Variants in CHD9 observed in about 807,000 individuals in gnomAD.
CHD9 encodes chromodomain helicase DNA binding protein 9.
Under a neutral mutation model 316.1 loss-of-function variants are expected in CHD9, and 77 were observed. The observed-to-expected ratio is 0.24, with a 90% CI of 0.20 to 0.29. The LOEUF (loss-of-function observed/expected upper bound fraction) is 0.29, where lower values mean the gene tolerates loss of function less well. Among genes scored for constraint, CHD9 ranks in the 10% least tolerant of loss-of-function variants. The pLI is 1.00. For missense variants in CHD9, 2,763 were observed against 3,438.1 expected, an observed-to-expected ratio of 0.80 and a Z score of 4.91; for synonymous variants, 1,129 against 1,158.3, an observed-to-expected ratio of 0.97 and a Z score of 0.51.
In CHD9 at chr16:53,157,214, T is replaced by A; in HGVS notation, c.1125T>A (p.Asn375Lys). ...VDSGTQMGHF[N>K]DHVETNGFSS... The stretch of plus-strand genomic sequence containing the variant: ...CAGGAACTCAAATGGGCCATTTCAA[T>A]GATCATGTAGAAACTAATGGCTTTT... Residue 375 changes from asparagine (N) to lysine (K), a missense_variant, in exon 2 of 39, where the codon AAT becomes AAA. This residue lies in a region of CHD9 where 859 missense variants were observed against 890.4 expected (regional missense o/e 0.96). Coordinates refer to ENST00000447540, the MANE Select transcript of CHD9 (RefSeq NM_001308319.2). 6.2e-7 allele frequency: 1 copy of A among 1,603,968 alleles called. No individual in the cohort carries two copies. Among genetic ancestry groups the A allele is most frequent in the East Asian group, 2.2e-5 (1 of 44,698 alleles).
chr16:53,155,250 TCTCA>T (rs1269823318), intron 1 of CHD9, among the ~76,000 whole-genome samples: 1 of 152,048 alleles, frequency 6.6e-6, no homozygotes, highest in African/African-American at 2.4e-5. Context: ...TGAGACAGTG[TCTCA>T]CTCTGTTGCC....
chr16:53,130,619 C>T (rs1014847183), intron 1 of CHD9, among the ~76,000 whole-genome samples: 1 of 151,454 alleles, frequency 6.6e-6, no homozygotes, highest in Non-Finnish European at 1.5e-5. Flanking sequence ...AAGCCTTCCC[C>T]GCCCCGAGGC....
chr16:53,301,698 A>G (rs1567651193), intron 30 of CHD9, among the ~76,000 whole-genome samples: 1 of 151,592 alleles, frequency 6.6e-6, no homozygotes, highest in Admixed American at 6.6e-5. Flanking sequence ...TTAAAATTAC[A>G]GAAGAGTACA....
intron 2 of CHD9, among the ~76,000 whole-genome samples, chr16:53,178,680 C>G (rs1199743767): frequency 5.3e-5 from 8 of 152,078 alleles, no homozygotes; most frequent in Non-Finnish European, 1.2e-4. Context: ...CCAGGCTTAT[C>G]TTGAACTCCT....
chr16:53,119,382 A>AG (rs1007857785), intron 1 of CHD9, among the ~76,000 whole-genome samples: 3 of 152,092 alleles, frequency 2.0e-5, no homozygotes, highest in Non-Finnish European at 4.4e-5. Flanking sequence ...TTAAAAAAAA[A>AG]ACAAAACAAG....
intron 1 of CHD9, among the ~76,000 whole-genome samples, chr16:53,070,499 TC>T (rs1256700081): frequency 2.2e-5 from 3 of 134,570 alleles, no homozygotes; most frequent in African/African-American, 8.5e-5. Flanking sequence ...TTTCCTTCCT[TC>T]CTTCCTTCCT....
rs147160814 is a variant in CHD9 at position 53,137,260 on chromosome 16, C to T, written c.-164-18666C>T. Among the ~76,000 whole-genome samples the T allele has an allele frequency of 4.6e-3, 705 of 152,248 alleles. 5 individuals are homozygous for T. The highest frequency in any genetic ancestry group is 0.015 in the African/African-American group (628 of 41,538). On this transcript the variant is annotated intron_variant, in intron 1 of 38. Coordinates refer to ENST00000447540, the MANE Select transcript of CHD9 (RefSeq NM_001308319.2). The stretch of plus-strand genomic sequence containing the variant: ...GTGTTGGGATTACAGGTGTGAGCCA[C>T]CGTGCCTGGCCTAATCTGTATTTTT...
chr16:53,238,681 T>C, intron 12 of CHD9, 95 bp downstream of exon 12: 2 of 1,227,160 alleles, frequency 1.6e-6, no homozygotes, highest in Non-Finnish European at 2.3e-6. Context: ...GGATACATTT[T>C]AATTGCCTAC....
At chr16:53,244,733 A>G (rs2049419771) in intron 13 of CHD9, among the ~76,000 whole-genome samples, 1 of 152,168 alleles carries the variant, frequency 6.6e-6, no homozygotes, top group Admixed American at 6.5e-5. Context: ...AATAGCATAC[A>G]AAGTGAAGCA....
chr16:53,112,988 C>T (rs776837100), intron 1 of CHD9, among the ~76,000 whole-genome samples: 15 of 152,010 alleles, frequency 9.9e-5, no homozygotes, highest in Non-Finnish European at 1.8e-4. Flanking sequence ...GGTGACAGAG[C>T]GAGACCCTCT....
Position 53,209,776 on chromosome 16 carries a change from A to G in CHD9, c.1747A>G (p.Lys583Glu). 1.2e-6 allele frequency: 2 copies of G among 1,603,264 alleles called. No individual in the cohort carries two copies. The highest frequency in any genetic ancestry group is 1.3e-5 in the African/African-American group (1 of 74,356). The stretch of plus-strand genomic sequence containing the variant: ...AAAGGACAAAGACAGCAAAAAAACA[A>G]AAACATGTTCTAAGTTAAAAGAGAA... The part of the protein sequence containing the change: ...KPKDKDSKKT[K>E]TCSKLKEKTK... The change falls in exon 3 of 39, where the codon AAA becomes GAA. Residue 583 changes from lysine to glutamate, a missense_variant. Coordinates refer to ENST00000447540, the MANE Select transcript of CHD9 (RefSeq NM_001308319.2).
At chr16:53,144,534 T>A (rs1056641806) in intron 1 of CHD9, among the ~76,000 whole-genome samples, 11 of 151,252 alleles carry the variant, frequency 7.3e-5, no homozygotes, top group African/African-American at 2.7e-4. Context: ...TCTACAAATT[T>A]TTTTTTTTTT....
intron 3 of CHD9, among the ~76,000 whole-genome samples, chr16:53,220,224 T>C (rs1567504340): frequency 6.6e-6 from 1 of 152,260 alleles, no homozygotes; most frequent in Admixed American, 6.5e-5. Context: ...GCTGTATTTC[T>C]TACTGTTATT....
At chr16:53,287,506 T>A (rs982256180) in intron 26 of CHD9, among the ~76,000 whole-genome samples, 1 of 152,166 alleles carries the variant, frequency 6.6e-6, no homozygotes, top group Non-Finnish European at 1.5e-5. Flanking sequence ...GGCAGGTGGA[T>A]CATTTGAGGT....
At position 53,229,081 on chromosome 16, in the gene CHD9, G is replaced by C. The variant is rs371787563; in HGVS notation, c.2267G>C (p.Arg756Thr). ...IKRFKLRQAQ[R>T]AHFFADMEEE... The stretch of plus-strand genomic sequence containing the variant: ...CGATTCAAATTGAGACAAGCACAAA[G>C]AGCACATTTTTTTGCAGACGTAAGA... Residue 756 changes from arginine (R) to threonine (T), a missense_variant, in exon 8 of 39, where the codon AGA becomes ACA. Physicochemically the swap from Arg to Thr is moderately conservative, Grantham distance 71. Transcript: ENST00000447540. The C allele has an allele frequency of 3.2e-6, 5 of 1,581,430 alleles. No homozygotes were observed. Among genetic ancestry groups the C allele is most frequent in the Non-Finnish European group, 4.3e-6 (5 of 1,162,230 alleles).
intron 1 of CHD9, among the ~76,000 whole-genome samples, chr16:53,153,276 G>T (rs1333402533): frequency 6.6e-6 from 1 of 152,060 alleles, no homozygotes; most frequent in Non-Finnish European, 1.5e-5. Context: ...ATAATAAATG[G>T]GATCAAGAGA....
At chr16:53,207,607 TG>T (rs2045986214) in intron 2 of CHD9, among the ~76,000 whole-genome samples, 2 of 151,810 alleles carry the variant, frequency 1.3e-5, no homozygotes, top group Non-Finnish European at 2.9e-5. Context: ...AAACTTATTT[TG>T]GGTTCATTTG....
chr16:53,070,419 T>C (rs1220118995), intron 1 of CHD9, among the ~76,000 whole-genome samples: 1 of 152,204 alleles, frequency 6.6e-6, no homozygotes, highest in African/African-American at 2.4e-5. Context: ...TTACTTTTTG[T>C]ATGTCATGTA....
intron 1 of CHD9, among the ~76,000 whole-genome samples, chr16:53,120,251 A>T (rs1256689622): frequency 1.3e-5 from 2 of 151,946 alleles, no homozygotes; most frequent in Admixed American, 1.3e-4. Flanking sequence ...AAAAATAAAA[A>T]AATTTTTTTA....
Sources: gnomAD v4.1 joint callset for allele counts (sites outside exome capture counted in the v4.1 genomes callset) on GRCh38, gnomAD v4.1.1 for gene constraint, gnomAD v4.1.1 regional missense constraint, MANE v1.5 for transcripts, NCBI Gene and HGNC (gene_info 2026-07-23, HGNC 2026-07-21) for gene names.